Variants in CCNF observed in about 807,000 individuals in gnomAD.
CCNF encodes the protein cyclin-F.
A neutral mutation model predicts 85.4 loss-of-function variants in CCNF; 30 were observed. That is an observed-to-expected ratio of 0.35 (90% CI 0.26 to 0.48). CCNF has a LOEUF of 0.48. Ranked by LOEUF, CCNF falls within the 20% of genes least tolerant of loss-of-function variation. The pLI is 0.99. For synonymous variants in CCNF, 439 were observed against 425.1 expected (o/e 1.03, Z -0.40); for missense variants, 919 against 1,010.4 (o/e 0.91, Z 1.23).
rs367856930 is a variant in CCNF, at chr16:2,437,169, G to T, written c.387G>T (p.Leu129=). The T allele has an allele frequency of 1.9e-6, 3 of 1,610,766 alleles. No homozygotes were observed. Among genetic ancestry groups the T allele is most frequent in the Non-Finnish European group, 2.5e-6 (3 of 1,177,632 alleles). The change falls in exon 5 of 17, where the codon CTG becomes CTT. Residue 129 remains leucine, a synonymous_variant. Coordinates refer to ENST00000397066, the MANE Select transcript of CCNF (RefSeq NM_001761.3). ...AGGCCCGCGCAGAAGTGAATGGCCT[G>T]AAGGCCTCTCGCTTCTTCAGTCTCG... ...SDEARAEVNG[L]KASRFFSLAE... is the part of the protein sequence containing the mutation.
At chr16:2,450,559 C>T (rs1249040768) in intron 13 of CCNF, among the ~76,000 whole-genome samples, 1 of 150,910 alleles carries the variant, frequency 6.6e-6, no homozygotes, top group Non-Finnish European at 1.5e-5. Flanking sequence ...ACATTTTTCA[C>T]ATTGAGAGCA....
At chr16:2,450,833 G>T (rs956399922) in intron 13 of CCNF, among the ~76,000 whole-genome samples, 2 of 152,314 alleles carry the variant, frequency 1.3e-5, no homozygotes, top group East Asian at 1.9e-4. Flanking sequence ...ACACCACGTG[G>T]CCCCCAGTCA....
chr16:2,456,981 TGAG>T lies in CCNF; in HGVS notation c.2331_2333del (p.Glu777del), dbSNP rs760522485. ...AGCGGATAAACCTATGCATACACAG[TGAG>T]GAGGAGGACATGAACCTGGGCCTTG... On this transcript the variant is annotated inframe_deletion, in exon 17 of 17. Coordinates refer to ENST00000397066, the MANE Select transcript of CCNF (RefSeq NM_001761.3). This position sits in a 1 kb window ranked among gnomAD's most constrained non-coding sequence, Gnocchi z 4.5. 1.2e-5 allele frequency: 20 copies of T among 1,603,760 alleles called. No individual in the cohort carries two copies. The highest frequency in any genetic ancestry group is 1.4e-5 in the Non-Finnish European group (16 of 1,174,378).
Position 2,453,685 on chromosome 16 carries a change from T to C in CCNF, c.1715+148T>C. ...GGACAGTGACCCTGGGACGGAGCCC[T>C]GCAGTCATGCCTCGGGCCCCTGCGT... On this transcript the variant is annotated intron_variant, in intron 15 of 16. Coordinates refer to ENST00000397066, the MANE Select transcript of CCNF (RefSeq NM_001761.3). The surrounding 1 kb of genome is among the most constrained non-coding windows in gnomAD (Gnocchi z 5.6). 1 of 1,038,062 alleles carries C rather than the reference T, an allele frequency of 9.6e-7. No individual in the cohort carries two copies. Among genetic ancestry groups the C allele is most frequent in the Non-Finnish European group, 1.4e-6 (1 of 711,948 alleles). The allele number at this position is 1,038,062 out of a possible 1,614,324, so 64.3% of individuals were successfully genotyped here.
At chr16:2,449,168 G>A (rs771908083) in intron 11 of CCNF, 114 bp from the exon 12 acceptor site, 13 of 1,450,936 alleles carry the variant, frequency 9.0e-6, no homozygotes, top group Admixed American at 1.7e-5. Flanking sequence ...TGCGCTACGC[G>A]TGCAGCATCG....
rs922739453 is a variant in CCNF, at chr16:2,436,535, C to G, written c.347-594C>G. ...GTGTCTTGCTGGGAGAGAGTCCCTA[C>G]CTGGCCGGCTGGCAGAATTGTGACT... On this transcript the variant is annotated intron_variant, in intron 4 of 16. Transcript: ENST00000397066. 5 of 152,306 alleles carry G rather than the reference C, an allele frequency of 3.3e-5. No homozygotes were observed. In the East Asian group the frequency reaches 9.6e-4, roughly 29 times the overall value. The allele number at this position is 152,306 out of a possible 1,614,324, so 9.4% of individuals were successfully genotyped here.
In CCNF at chr16:2,451,933, A is replaced by G. The variant is rs150444428; in HGVS notation, c.1488-1277A>G. ...AACCTTGACCTGCCACCCCCCTGCC[A>G]GCGTGACTCAGCCAACGGCCTGTTG... On this transcript the variant is annotated intron_variant, in intron 13 of 16. Transcript: ENST00000397066. This position sits in a 1 kb window ranked among gnomAD's most constrained non-coding sequence, Gnocchi z 4.3. Among the ~76,000 whole-genome samples the G allele has an allele frequency of 1.3e-5, 2 of 152,286 alleles. No homozygotes were observed. Among genetic ancestry groups the G allele is most frequent in the African/African-American group, 2.4e-5 (1 of 41,564 alleles).
At chr16:2,433,649 C>T (rs572426834) in intron 3 of CCNF, among the ~76,000 whole-genome samples, 132 of 152,276 alleles carry the variant, frequency 8.7e-4, no homozygotes, top group Admixed American at 3.6e-3. Context: ...TGCAGTGGTG[C>T]AATCTCAGCT....
chr16:2,456,288 C>G lies in CCNF; in HGVS notation c.1886-257C>G. On this transcript the variant is annotated intron_variant, in intron 16 of 16. Coordinates refer to ENST00000397066, the MANE Select transcript of CCNF (RefSeq NM_001761.3). This position sits in a 1 kb window ranked among gnomAD's most constrained non-coding sequence, Gnocchi z 4.5. The stretch of plus-strand genomic sequence containing the variant: ...GTTAGTGTGAGTCCTGTCAGTTTCC[C>G]GGTTGCTTGCTTCTGCGTCCACTTG... 2 of 436,754 alleles carry G rather than the reference C, an allele frequency of 4.6e-6. No individual in the cohort carries two copies. The highest frequency in any genetic ancestry group is 8.0e-5 in the Admixed American group (2 of 24,932). The allele number at this position is 436,754 out of a possible 1,614,324, so 27.1% of individuals were successfully genotyped here. A position where few individuals can be genotyped will look rare whatever the true frequency, so the allele number is the denominator to read the frequency against.
intron 2 of CCNF, among the ~76,000 whole-genome samples, chr16:2,431,900 G>C (rs189291369): frequency 6.7e-6 from 1 of 149,560 alleles, no homozygotes; most frequent in Non-Finnish European, 1.5e-5. Context: ...GCGCAATCTC[G>C]GCTCACTGCA....
At chr16:2,455,712 G>A (rs1298130734) in intron 16 of CCNF, 148 bp downstream of exon 16, 6 of 1,343,372 alleles carry the variant, frequency 4.5e-6, no homozygotes, top group Non-Finnish European at 5.8e-6. Context: ...CCCCGCCGGG[G>A]AGTGTGTCCA....
At chr16:2,444,744 A>G (rs1394960141) in intron 9 of CCNF, among the ~76,000 whole-genome samples, 1 of 151,930 alleles carries the variant, frequency 6.6e-6, no homozygotes, top group Non-Finnish European at 1.5e-5. Flanking sequence ...CTACAGATGC[A>G]CACCACCATG....
At chr16:2,445,218 G>T (rs369771851) in intron 9 of CCNF, among the ~76,000 whole-genome samples, 45 of 152,278 alleles carry the variant, frequency 3.0e-4, no homozygotes, top group Admixed American at 2.8e-3. Flanking sequence ...GTCTCAAAGC[G>T]CTTGTGTTTG....
rs1050648112 is a variant in CCNF at position 2,451,239 on chromosome 16, C to T, written c.1487+1324C>T. ...GCAGGCAGGCGCGCGGGGCAGGTGG[C>T]GCGGGCGGGGGCGACTCCCTTCAGG... On this transcript the variant is annotated intron_variant, in intron 13 of 16. Coordinates refer to ENST00000397066, the MANE Select transcript of CCNF (RefSeq NM_001761.3). This position sits in a 1 kb window ranked among gnomAD's most constrained non-coding sequence, Gnocchi z 4.3. 2.6e-5 allele frequency among the ~76,000 whole-genome samples: 4 copies of T among 152,178 alleles called. No individual in the cohort carries two copies. Among genetic ancestry groups the T allele is most frequent in the African/African-American group, 7.2e-5 (3 of 41,446 alleles).
At chr16:2,435,280 AAAAG>A (rs1166286663) in intron 3 of CCNF, among the ~76,000 whole-genome samples, 1 of 149,190 alleles carries the variant, frequency 6.7e-6, no homozygotes, top group Non-Finnish European at 1.5e-5. Flanking sequence ...AAGAAAAAAA[AAAAG>A]AAATGTTCTA....
intron 6 of CCNF, among the ~76,000 whole-genome samples, chr16:2,438,986 A>G (rs1291724329): frequency 6.6e-6 from 1 of 151,672 alleles, no homozygotes; most frequent in Non-Finnish European, 1.5e-5. Flanking sequence ...TGACAGAGGG[A>G]GACTCTGCCT....
At chr16:2,443,983 G>A (rs374735211) in intron 9 of CCNF, among the ~76,000 whole-genome samples, 183 bp downstream of exon 9, 1 of 150,892 alleles carries the variant, frequency 6.6e-6, no homozygotes, top group Non-Finnish European at 1.5e-5. Context: ...GCAGTGGCGC[G>A]ATCTCAGCTC....
rs1426119006 is a variant in CCNF at position 2,455,449 on chromosome 16, T to C, written c.1770T>C (p.Thr590=). 7 of 1,600,020 alleles carry C rather than the reference T, an allele frequency of 4.4e-6. No individual in the cohort carries two copies. Among genetic ancestry groups the C allele is most frequent in the African/African-American group, 4.0e-5 (3 of 74,680 alleles). The change falls in exon 16 of 17, where the codon ACT becomes ACC. Residue 590 remains threonine (T), a synonymous_variant. Transcript: ENST00000397066. ...EDRGSFVTTP[T]AELSSQEETL... is the part of the protein sequence containing the mutation. ...GAGGCAGCTTCGTTACCACCCCCACTGCGGAGCTGTCCAGCCAGGAGGAGA... is the reference window on the plus strand; with the variant it reads ...GAGGCAGCTTCGTTACCACCCCCACCGCGGAGCTGTCCAGCCAGGAGGAGA...
At position 2,439,758 on chromosome 16, in the gene CCNF, C is replaced by T; in HGVS notation, c.709C>T (p.Pro237Ser). The change falls in exon 8 of 17, where the codon CCT becomes TCT. Residue 237 changes from proline to serine, a missense_variant. Transcript: ENST00000397066. ...GATCTCCCATTGACAGGTGTCAGAT[C>T]CTGGGCGATGCCTCCACAGCTTCCG... The part of the protein sequence containing the change: ...ESDRRTDVSD[P>S]GRCLHSFRKL... The T allele has an allele frequency of 6.2e-7, 1 of 1,614,012 alleles. No individual in the cohort carries two copies. The highest frequency in any genetic ancestry group is 8.5e-7 in the Non-Finnish European group (1 of 1,179,892).
Sources: allele counts gnomAD v4.1 joint callset (sites outside exome capture counted in the v4.1 genomes callset), GRCh38; gene constraint gnomAD v4.1.1; non-coding constraint Gnocchi (gnomAD v3.1); transcripts MANE v1.5; gene names NCBI Gene and HGNC (gene_info 2026-07-23, HGNC 2026-07-21).